Variants in MGST3 observed in about 807,000 individuals in gnomAD.
MGST3 encodes glutathione S-transferase 3, mitochondrial.
Under a neutral mutation model 15.8 loss-of-function variants are expected in MGST3, and 13 were observed. The observed-to-expected ratio is 0.82, with a 90% CI of 0.54 to 1.31. The LOEUF (loss-of-function observed/expected upper bound fraction) is 1.31, where lower values mean the gene tolerates loss of function less well. Ranked by LOEUF, MGST3 falls within the 50% of genes most tolerant of loss-of-function variation. The probability of loss-of-function intolerance (pLI) is 0.00; values close to 1 mark genes in which losing one functional copy is unlikely to be tolerated. For missense variants in MGST3, 155 were observed against 192.4 expected (o/e 0.81, Z 1.15); for synonymous variants, 49 against 68.1 (o/e 0.72, Z 1.38).
At chr1:165,631,725 T>C (rs1571144889) in intron 1 of MGST3, among the ~76,000 whole-genome samples, 1 of 152,150 alleles carries the variant, frequency 6.6e-6, no homozygotes, top group Non-Finnish European at 1.5e-5. Context: ...TGTGCAGGCC[T>C]GATCAGTAAC....
At chr1:165,636,399 G>A (rs1350700076) in intron 1 of MGST3, among the ~76,000 whole-genome samples, 2 of 152,180 alleles carry the variant, frequency 1.3e-5, no homozygotes, top group African/African-American at 4.8e-5. Flanking sequence ...GAGATACAGT[G>A]TGATGTTTTA....
intron 1 of MGST3, among the ~76,000 whole-genome samples, chr1:165,639,966 C>A (rs1259194257): frequency 6.6e-6 from 1 of 152,172 alleles, no homozygotes; most frequent in Non-Finnish European, 1.5e-5. Flanking sequence ...ATAGGCCTTT[C>A]ATTTGAAGTC....
intron 2 of MGST3, 158 bp from the exon 3 acceptor site, chr1:165,650,856 C>T: frequency 2.9e-6 from 2 of 685,990 alleles, no homozygotes; most frequent in Non-Finnish European, 5.3e-6. Context: ...AGAATTGAGA[C>T]CCTTGTCACC....
At chr1:165,632,263 C>T in intron 1 of MGST3, 1 of 1,612,698 alleles carries the variant, frequency 6.2e-7, no homozygotes, top group Non-Finnish European at 8.5e-7. Context: ...GAAGGCGCTT[C>T]CGGCTCTGCA....
chr1:165,640,822 G>A (rs1157292792), intron 1 of MGST3, among the ~76,000 whole-genome samples: 1 of 152,158 alleles, frequency 6.6e-6, no homozygotes, highest in Non-Finnish European at 1.5e-5. Flanking sequence ...GCCACACAAA[G>A]GAGGCCTTCC....
chr1:165,633,763 A>C (rs1312956583), intron 1 of MGST3, among the ~76,000 whole-genome samples: 1 of 145,362 alleles, frequency 6.9e-6, no homozygotes, highest in Non-Finnish European at 1.5e-5. Context: ...GACTCATTCG[A>C]GATTTTTTTT....
rs1648684048 is a variant in MGST3 at position 165,655,503 on chromosome 1, A to G, written c.458A>G (p.Ter153=). The change falls in exon 6 of 6, where the codon TAA becomes TGA. Residue 153 remains the stop codon, a stop_retained_variant. Transcript: ENST00000367889. ...GLGSGPKCCH[*] ...GGCAGTGGACCCAAATGCTGCCATT[A>G]AAGAATTATAGGGGTTTAAAAACTC... 6.2e-7 allele frequency: 1 copy of G among 1,614,130 alleles called. No homozygotes were observed. The highest frequency in any genetic ancestry group is 8.5e-7 in the Non-Finnish European group (1 of 1,180,016).
intron 1 of MGST3, among the ~76,000 whole-genome samples, chr1:165,645,093 GA>G (rs1391300600): frequency 5.3e-5 from 8 of 151,806 alleles, no homozygotes; most frequent in Non-Finnish European, 5.9e-5. Context: ...TATTCTATAA[GA>G]TTTTTTTTTC....
At chr1:165,650,676 T>C (rs1648527341) in intron 2 of MGST3, 1 of 355,728 alleles carries the variant, frequency 2.8e-6, no homozygotes, top group South Asian at 2.5e-5. Flanking sequence ...TTAGGAAGGC[T>C]CTATTTCCCT....
intron 1 of MGST3, among the ~76,000 whole-genome samples, chr1:165,634,420 A>G (rs1648042940): frequency 6.6e-6 from 1 of 152,184 alleles, no homozygotes; most frequent in African/African-American, 2.4e-5. Context: ...AACTGCTTAG[A>G]ACAAGGTTTG....
chr1:165,648,077 T>C (rs963464087), intron 1 of MGST3, among the ~76,000 whole-genome samples: 1 of 152,272 alleles, frequency 6.6e-6, no homozygotes, highest in African/African-American at 2.4e-5. Flanking sequence ...ACTCTGTTTT[T>C]CTTTTAATAA....
chr1:165,653,109 A>AT (rs1648608353), intron 4 of MGST3, among the ~76,000 whole-genome samples: 1 of 152,140 alleles, frequency 6.6e-6, no homozygotes, highest in African/African-American at 2.4e-5. Context: ...GAAGGCCTGC[A>AT]TTTTTTTCAA....
intron 1 of MGST3, among the ~76,000 whole-genome samples, chr1:165,639,145 G>C (rs549408236): frequency 1.4e-4 from 22 of 152,348 alleles, no homozygotes; most frequent in Admixed American, 1.2e-3. Flanking sequence ...CCCTGGCTCT[G>C]TTTCTCTCCT....
intron 1 of MGST3, chr1:165,647,730 T>C (rs1278496322): frequency 6.6e-6 from 1 of 152,160 alleles, no homozygotes; most frequent in South Asian, 2.1e-4. Context: ...AGACACCTTT[T>C]TTTTTTTTTA....
chr1:165,650,186 C>T (rs1648513916), intron 2 of MGST3: 4 of 608,286 alleles, frequency 6.6e-6, no homozygotes, highest in African/African-American at 1.9e-5. Context: ...TTTGTCTCTT[C>T]GGTAGAAAGA....
rs753275841 is a variant in MGST3 at position 165,641,012 on chromosome 1, G to A, written c.-7-8829G>A. On this transcript the variant is annotated intron_variant, in intron 1 of 5. Transcript: ENST00000367889. ...AGCCTGGCCTACGTGGTGAAACCCC[G>A]TCTCTACTAAAAATACAAAAATGAG... Among the ~76,000 whole-genome samples, 7 of 152,136 alleles carry A rather than the reference G, an allele frequency of 4.6e-5. No homozygotes were observed. The South Asian group carries it at 1.2e-3, about 27-fold the overall frequency.
intron 1 of MGST3, chr1:165,649,180 C>T (rs983739766): frequency 1.9e-5 from 3 of 154,182 alleles, no homozygotes; most frequent in Non-Finnish European, 4.3e-5. Context: ...GGGCCTTCCC[C>T]TACCTGTGTG....
chr1:165,654,278 G>C lies in MGST3; in HGVS notation c.250-1G>C. On this transcript the variant is annotated splice_acceptor_variant, in intron 4 of 5. Transcript: ENST00000367889. LOFTEE classifies it high-confidence loss of function. ...ATACTAATGTAGCCCTTTTTTCTTAGCGTATAGCTTCTGGCCTGGGCTTGG... is the reference window on the plus strand; with the variant it reads ...ATACTAATGTAGCCCTTTTTTCTTACCGTATAGCTTCTGGCCTGGGCTTGG... 6.2e-7 allele frequency: 1 copy of C among 1,613,762 alleles called. No homozygotes were observed. The highest frequency in any genetic ancestry group is 8.5e-7 in the Non-Finnish European group (1 of 1,179,862).
rs762054236 is a variant in MGST3 at position 165,649,988 on chromosome 1, C to T, written c.117+24C>T. On this transcript the variant is annotated intron_variant, in intron 2 of 5. Transcript: ENST00000367889. The stretch of plus-strand genomic sequence containing the variant: ...AGGTAAGTGGGAACACAAGCTGGTG[C>T]CCTTGTAGGCTTGTCTGGGGGCCAC... 2.5e-6 allele frequency: 4 copies of T among 1,613,388 alleles called. No homozygotes were observed. The Admixed American group carries it at 6.7e-5, about 27-fold the overall frequency.
Sources: gnomAD v4.1 joint callset for allele counts (sites outside exome capture counted in the v4.1 genomes callset) on GRCh38, gnomAD v4.1.1 for gene constraint, MANE v1.5 for transcripts, NCBI Gene and HGNC (gene_info 2026-07-23, HGNC 2026-07-21) for gene names.